GPR158: variants seen among roughly 807,000 people sequenced by gnomAD.
GPR158 encodes the protein G protein-coupled receptor 158, also known as metabotropic glycine receptor.
A neutral mutation model predicts 78.2 loss-of-function variants in GPR158; 30 were observed. That is an observed-to-expected ratio of 0.38 (90% CI 0.29 to 0.52). The LOEUF is 0.52. Ranked by LOEUF, GPR158 falls within the 20% of genes least tolerant of loss-of-function variation. The probability of loss-of-function intolerance (pLI) is 0.83; values close to 1 mark genes in which losing one functional copy is unlikely to be tolerated. For missense variants in GPR158, 1,463 were observed against 1,523.5 expected, an observed-to-expected ratio of 0.96 and a Z score of 0.66; for synonymous variants, 581 against 591.1, an observed-to-expected ratio of 0.98 and a Z score of 0.25.
intron 2 of GPR158, among the ~76,000 whole-genome samples, chr10:25,325,901 TA>T (rs1164151591): frequency 3.9e-5 from 3 of 77,776 alleles, no homozygotes; most frequent in Non-Finnish European, 8.9e-5. Context: ...TGGCCATTTG[TA>T]TTTTTTTTTT....
At chr10:25,587,612 T>C (rs1319297137) in intron 7 of GPR158, among the ~76,000 whole-genome samples, 2 of 152,170 alleles carry the variant, frequency 1.3e-5, no homozygotes, top group Non-Finnish European at 1.5e-5. Context: ...CGATTCCCTT[T>C]GCTCGATCCA....
rs367766903 is a variant in GPR158 at position 25,256,169 on chromosome 10, G to A, written c.1008+35012G>A. Among the ~76,000 whole-genome samples, 637 of 146,998 alleles carry A rather than the reference G, an allele frequency of 4.3e-3. 4 individuals carry two copies. Among genetic ancestry groups the A allele is most frequent in the African/African-American group, 0.015 (599 of 40,028 alleles). On this transcript the variant is annotated intron_variant, in intron 2 of 10. Transcript: ENST00000376351. ...TGCCATACTATTAATTAGTACTTTCGACTGAAAAAAAAAAAACCTTTATGC... is the reference window on the plus strand; with the variant it reads ...TGCCATACTATTAATTAGTACTTTCAACTGAAAAAAAAAAAACCTTTATGC...
At chr10:25,544,129 T>C (rs969652590) in intron 5 of GPR158, among the ~76,000 whole-genome samples, 1 of 152,218 alleles carries the variant, frequency 6.6e-6, no homozygotes, top group Non-Finnish European at 1.5e-5. Context: ...ATACTTTATA[T>C]GCTGTGATCA....
chr10:25,520,400 T>C (rs1836243839), intron 5 of GPR158, among the ~76,000 whole-genome samples: 2 of 149,250 alleles, frequency 1.3e-5, no homozygotes, highest in Non-Finnish European at 3.0e-5. Context: ...CATCCAGCTT[T>C]GTTCTGTTGC....
At chr10:25,515,281 A>G (rs1441829075) in intron 5 of GPR158, among the ~76,000 whole-genome samples, 3 of 151,952 alleles carry the variant, frequency 2.0e-5, no homozygotes, top group Non-Finnish European at 2.9e-5. Context: ...GTTTGATTCT[A>G]TAGCTGAGAC....
In GPR158 at chr10:25,598,479, A is replaced by G. The variant is rs752540711; in HGVS notation, c.2853A>G (p.Thr951=). The G allele has an allele frequency of 3.7e-6, 6 of 1,614,136 alleles. No individual in the cohort carries two copies. The highest frequency in any genetic ancestry group is 2.2e-5 in the East Asian group (1 of 44,866). The stretch of plus-strand genomic sequence containing the variant: ...GAAATCACTCAAATTCTGATAACAC[A>G]GAGACTAAAGATCCTGCCCCCCAAA... ...TNRNHSNSDN[T]ETKDPAPQNS... is the part of the protein sequence containing the mutation. Residue 951 remains threonine (T), a synonymous_variant, in exon 11 of 11, where the codon ACA becomes ACG. Coordinates refer to ENST00000376351, the MANE Select transcript of GPR158 (RefSeq NM_020752.3).
chr10:25,588,492 T>C (rs1837299791), intron 7 of GPR158, among the ~76,000 whole-genome samples: 1 of 152,228 alleles, frequency 6.6e-6, no homozygotes, highest in Non-Finnish European at 1.5e-5. Flanking sequence ...ATTTATAAAA[T>C]ATGCCACTGA....
chr10:25,437,432 C>G (rs186689711), intron 4 of GPR158, among the ~76,000 whole-genome samples: 181 of 152,156 alleles, frequency 1.2e-3, no homozygotes, highest in African/African-American at 4.2e-3. Context: ...CACCATGTTG[C>G]CCAGGCTGGT....
chr10:25,355,166 C>T (rs560773486), intron 2 of GPR158, among the ~76,000 whole-genome samples: 3 of 152,010 alleles, frequency 2.0e-5, no homozygotes, highest in East Asian at 1.9e-4. Context: ...TGCTTAACTC[C>T]CTCTTGAACA....
At chr10:25,495,031 G>A (rs969688833) in intron 5 of GPR158, among the ~76,000 whole-genome samples, 15 of 152,000 alleles carry the variant, frequency 9.9e-5, no homozygotes, top group Middle Eastern at 3.2e-3. Context: ...GAAAGCAGTA[G>A]TTTTCTGAAG....
intron 5 of GPR158, among the ~76,000 whole-genome samples, chr10:25,542,099 C>T (rs1039210177): frequency 1.3e-5 from 2 of 151,778 alleles, no homozygotes; most frequent in Non-Finnish European, 2.9e-5. Flanking sequence ...TACCATGCCT[C>T]CTAGTACACA....
chr10:25,206,189 G>C (rs571000953), intron 1 of GPR158, among the ~76,000 whole-genome samples: 1 of 151,952 alleles, frequency 6.6e-6, no homozygotes, highest in African/African-American at 2.4e-5. Context: ...GGGTTTCACC[G>C]TGTTAGCCAG....
At chr10:25,199,494 G>A (rs1852890390) in intron 1 of GPR158, among the ~76,000 whole-genome samples, 3 of 152,036 alleles carry the variant, frequency 2.0e-5, no homozygotes, top group Admixed American at 2.0e-4. Flanking sequence ...TCTTTTTTAT[G>A]GCTGCTGATA....
chr10:25,200,875 T>TG (rs1447354743), intron 1 of GPR158, among the ~76,000 whole-genome samples: 3 of 150,422 alleles, frequency 2.0e-5, no homozygotes, highest in African/African-American at 7.3e-5. Context: ...TTTGTTTTTT[T>TG]TTTTTTTTTT....
At chr10:25,291,392 TAGG>T (rs1455435169) in intron 2 of GPR158, among the ~76,000 whole-genome samples, 1 of 152,008 alleles carries the variant, frequency 6.6e-6, no homozygotes, top group African/African-American at 2.4e-5. Context: ...ATCAGTTGTT[TAGG>T]AGAAGTAACA....
chr10:25,546,958 A>G (rs1024407985), intron 5 of GPR158, among the ~76,000 whole-genome samples: 1 of 152,160 alleles, frequency 6.6e-6, no homozygotes, highest in Non-Finnish European at 1.5e-5. Context: ...GAGATCAGCT[A>G]GCTCCAAGTG....
chr10:25,175,497 G>T lies in GPR158; in HGVS notation c.77G>T (p.Arg26Leu), dbSNP rs1852511910. 2.5e-6 allele frequency: 4 copies of T among 1,611,850 alleles called. No individual in the cohort carries two copies. The East Asian group carries it at 8.9e-5, about 36-fold the overall frequency. Residue 26 changes from arginine to leucine, a missense_variant, in exon 1 of 11, where the codon CGC becomes CTC. Physicochemically the swap from Arg to Leu is moderately radical, Grantham distance 102. Transcript: ENST00000376351. The surrounding 1 kb of genome is among the most constrained non-coding windows in gnomAD (Gnocchi z 6.4). ...GGATTGGGAGCTGTTGGCGCCAGCCGCGACCCCCAAGGACGGCCGGATTCC... is the reference window on the plus strand; with the variant it reads ...GGATTGGGAGCTGTTGGCGCCAGCCTCGACCCCCAAGGACGGCCGGATTCC... ...QLGLGAVGAS[R>L]DPQGRPDSPR...
At chr10:25,279,631 G>A (rs1854238925) in intron 2 of GPR158, among the ~76,000 whole-genome samples, 1 of 152,126 alleles carries the variant, frequency 6.6e-6, no homozygotes, top group Non-Finnish European at 1.5e-5. Flanking sequence ...TATGACTTGA[G>A]TTTATCTGTT....
At chr10:25,255,133 T>C (rs186598251) in intron 2 of GPR158, among the ~76,000 whole-genome samples, 97 of 152,338 alleles carry the variant, frequency 6.4e-4, no homozygotes, top group Non-Finnish European at 6.5e-4. Context: ...TTTTTCTCTT[T>C]GCAAATAGCT....
Sources: allele counts gnomAD v4.1 joint callset (sites outside exome capture counted in the v4.1 genomes callset), GRCh38; gene constraint gnomAD v4.1.1; non-coding constraint Gnocchi (gnomAD v3.1); transcripts MANE v1.5; gene names NCBI Gene and HGNC (gene_info 2026-07-23, HGNC 2026-07-21).